Variants in ALK observed in about 807,000 individuals in gnomAD.
ALK encodes ALK tyrosine kinase receptor.
In ALK, 74 loss-of-function variants were observed where a neutral mutation model predicts 163.1. The observed-to-expected ratio is 0.45, with a 90% CI of 0.38 to 0.55. The LOEUF is 0.55. ALK is among the 20% of genes least tolerant of loss of function. The pLI is 0.00. For missense variants in ALK, 2,063 were observed against 2,105.3 expected (o/e 0.98, Z 0.39); for synonymous variants, 960 against 843.2 (o/e 1.14, Z -2.40).
intron 4 of ALK, among the ~76,000 whole-genome samples, chr2:29,432,906 A>G (rs920232209): frequency 1.3e-5 from 2 of 152,208 alleles, no homozygotes; most frequent in African/African-American, 4.8e-5. Flanking sequence ...TTCTAACTCC[A>G]GCTCTCATAC....
At chr2:29,433,066 G>T (rs1394135093) in intron 4 of ALK, among the ~76,000 whole-genome samples, 2 of 152,166 alleles carry the variant, frequency 1.3e-5, no homozygotes, top group Non-Finnish European at 2.9e-5. Flanking sequence ...GACCCTTAGA[G>T]ATAATCCCTA....
At chr2:29,520,745 C>T (rs1025293631) in intron 4 of ALK, among the ~76,000 whole-genome samples, 9 of 152,052 alleles carry the variant, frequency 5.9e-5, no homozygotes, top group Admixed American at 2.6e-4. Flanking sequence ...TTGATACAAA[C>T]GAATCATGGG....
rs533865129 is a variant in ALK, at chr2:29,443,877, T to G, written c.1155-60018A>C. The stretch of plus-strand genomic sequence containing the variant: ...AGAGGCTTGAGCTCACTGATAGTCA[T>G]GCTAATAATAACTTCAAACGTACCT... On this transcript the variant is annotated intron_variant, in intron 4 of 28. Coordinates refer to ENST00000389048, the MANE Select transcript of ALK (RefSeq NM_004304.5). Among the ~76,000 whole-genome samples the G allele has an allele frequency of 1.4e-4, 22 of 152,282 alleles. 1 individual carries two copies. The East Asian group carries it at 4.1e-3, about 28-fold the overall frequency.
intron 8 of ALK, among the ~76,000 whole-genome samples, chr2:29,309,659 G>A (rs575940034): frequency 6.0e-5 from 9 of 148,830 alleles, no homozygotes; most frequent in Non-Finnish European, 1.2e-4. Flanking sequence ...GGTGTCATTT[G>A]TTGGGTCCTC....
At chr2:29,304,155 G>A (rs985088707) in intron 8 of ALK, among the ~76,000 whole-genome samples, 4 of 152,186 alleles carry the variant, frequency 2.6e-5, no homozygotes, top group African/African-American at 4.8e-5. Flanking sequence ...CCTGCTTAGA[G>A]TGTGGTCCTC....
intron 1 of ALK, among the ~76,000 whole-genome samples, chr2:29,882,509 C>A (rs1666891473): frequency 6.6e-6 from 1 of 152,144 alleles, no homozygotes; most frequent in Admixed American, 6.5e-5. Context: ...GCCTGGCCAA[C>A]ATGGTGAAAC....
chr2:29,770,230 C>G (rs773880801), intron 1 of ALK, among the ~76,000 whole-genome samples: 1 of 152,210 alleles, frequency 6.6e-6, no homozygotes, highest in Non-Finnish European at 1.5e-5. Context: ...AACTCTTTCC[C>G]CATTGGATTG....
At chr2:29,883,729 T>C (rs1477007497) in intron 1 of ALK, among the ~76,000 whole-genome samples, 2 of 152,184 alleles carry the variant, frequency 1.3e-5, no homozygotes, top group Non-Finnish European at 2.9e-5. Context: ...TGGATAACCT[T>C]TGAACAACAG....
chr2:29,264,393 G>A (rs1010057443), intron 11 of ALK, among the ~76,000 whole-genome samples: 3 of 152,114 alleles, frequency 2.0e-5, no homozygotes, highest in African/African-American at 7.2e-5. Flanking sequence ...TCATTGTTAG[G>A]GCCCACATTC....
chr2:29,217,155 ATGTGTTGTGTATATGTCTG>A (rs1273097044), intron 23 of ALK, among the ~76,000 whole-genome samples: 1 of 140,156 alleles, frequency 7.1e-6, no homozygotes, highest in Non-Finnish European at 1.5e-5. Flanking sequence ...TGTGTAGTGT[ATGTGTTGTGTATATGTCTG>A]TGTGTTGTGT....
At chr2:29,868,987 C>T (rs1255294389) in intron 1 of ALK, among the ~76,000 whole-genome samples, 1 of 152,182 alleles carries the variant, frequency 6.6e-6, no homozygotes, top group East Asian at 1.9e-4. Flanking sequence ...GGCTGACAGC[C>T]CCAGCTGAGG....
chr2:29,535,518 CT>C (rs1673228879), intron 3 of ALK, among the ~76,000 whole-genome samples: 1 of 152,156 alleles, frequency 6.6e-6, no homozygotes, highest in African/African-American at 2.4e-5. Context: ...TGGGCAGAGC[CT>C]ACCTCATATG....
At chr2:29,661,248 A>G (rs1348695331) in intron 3 of ALK, among the ~76,000 whole-genome samples, 20 of 152,210 alleles carry the variant, frequency 1.3e-4, no homozygotes, top group Non-Finnish European at 5.9e-5. Context: ...CAGGAAGCAG[A>G]GTCAGACGGG....
Position 29,575,064 on chromosome 2 carries a change from ACT to A in ALK, c.953-42950_953-42949del, listed in dbSNP as rs1674485829. ...CCCTGTGAGAGCCTCTCTAAATCAG[ACT>A]CTATTTCTGATTGCCTCAACGTTGT... is the stretch of plus-strand genomic sequence containing the variant. On this transcript the variant is annotated intron_variant, in intron 3 of 28. Coordinates refer to ENST00000389048, the MANE Select transcript of ALK (RefSeq NM_004304.5). Among the ~76,000 whole-genome samples, 11 of 151,876 alleles carry A rather than the reference ACT, an allele frequency of 7.2e-5. 1 individual carries two copies. The South Asian group carries it at 2.3e-3, about 32-fold the overall frequency.
chr2:29,855,770 G>A (rs1030709806), intron 1 of ALK, among the ~76,000 whole-genome samples: 1 of 152,158 alleles, frequency 6.6e-6, no homozygotes, highest in African/African-American at 2.4e-5. Flanking sequence ...TGGCTTTCAG[G>A]TTCTGAAAAT....
chr2:29,775,662 T>C (rs769888847), intron 1 of ALK, among the ~76,000 whole-genome samples: 2 of 152,168 alleles, frequency 1.3e-5, no homozygotes, highest in Non-Finnish European at 2.9e-5. Flanking sequence ...TGGGTAAAAA[T>C]CCCTGCTTCC....
intron 4 of ALK, among the ~76,000 whole-genome samples, chr2:29,417,066 C>A (rs1669899461): frequency 2.8e-5 from 4 of 141,202 alleles, no homozygotes; most frequent in African/African-American, 5.4e-5. Flanking sequence ...CAGCTCACTG[C>A]AAGCTCTGCC....
At chr2:29,906,577 T>C (rs1387944596) in intron 1 of ALK, among the ~76,000 whole-genome samples, 1 of 152,130 alleles carries the variant, frequency 6.6e-6, no homozygotes. Flanking sequence ...CAGTCACAAG[T>C]AAAAGACATA....
At position 29,644,575 on chromosome 2, in the gene ALK, TTC is replaced by T. The variant is rs869153411; in HGVS notation, c.952+50273_952+50274del. 8.6e-3 allele frequency among the ~76,000 whole-genome samples: 614 copies of T among 71,468 alleles called. 1 individual carries two copies. Among genetic ancestry groups the T allele is most frequent in the African/African-American group, 0.029 (525 of 18,142 alleles). 46.9% of individuals were successfully genotyped at this position (71,468 alleles called of 152,430 possible). Reference sequence around the variant, plus strand: ...TATCTTTTCAAATTAAGGTTTTTTTTTCCCCCCACTCTCCAGGGAAAGCAGCA... The same window carrying T: ...TATCTTTTCAAATTAAGGTTTTTTTTCCCCCACTCTCCAGGGAAAGCAGCA... On this transcript the variant is annotated intron_variant, in intron 3 of 28. Coordinates refer to ENST00000389048, the MANE Select transcript of ALK (RefSeq NM_004304.5).
Sources: gnomAD v4.1 joint callset for allele counts (sites outside exome capture counted in the v4.1 genomes callset) on GRCh38, gnomAD v4.1.1 for gene constraint, MANE v1.5 for transcripts, NCBI Gene and HGNC (gene_info 2026-07-23, HGNC 2026-07-21) for gene names.